CNTNAP5: variants seen among roughly 807,000 people sequenced by gnomAD.
CNTNAP5 encodes the protein contactin-associated protein-like 5.
Under a neutral mutation model 150.2 loss-of-function variants are expected in CNTNAP5, and 72 were observed. The observed-to-expected ratio is 0.48, with a 90% CI of 0.40 to 0.58. The LOEUF (loss-of-function observed/expected upper bound fraction) is 0.58, where lower values mean the gene tolerates loss of function less well. Among genes scored for constraint, CNTNAP5 ranks in the 20% least tolerant of loss-of-function variants. The pLI is 0.00. For synonymous variants in CNTNAP5, 672 were observed against 619.8 expected (o/e 1.08, Z -1.25); for missense variants, 1,636 against 1,626.2 (o/e 1.01, Z -0.10).
At chr2:124,517,057 T>C (rs1694735278) in intron 8 of CNTNAP5, among the ~76,000 whole-genome samples, 2 of 152,172 alleles carry the variant, frequency 1.3e-5, no homozygotes, top group Non-Finnish European at 2.9e-5. Context: ...TTTGTAGTGT[T>C]GGTGATAGGG....
At chr2:124,586,429 C>A (rs1696539263) in intron 11 of CNTNAP5, among the ~76,000 whole-genome samples, 1 of 152,168 alleles carries the variant, frequency 6.6e-6, no homozygotes, top group Non-Finnish European at 1.5e-5. Context: ...TGCTGGCCTG[C>A]CTGCAGGACA....
chr2:124,740,216 A>G (rs1257988814), intron 13 of CNTNAP5, among the ~76,000 whole-genome samples: 3 of 152,034 alleles, frequency 2.0e-5, no homozygotes, highest in Non-Finnish European at 4.4e-5. Flanking sequence ...GCATCATTCT[A>G]TGGGCAGAGG....
At position 124,790,123 on chromosome 2, in the gene CNTNAP5, G is replaced by T; in HGVS notation, c.2974G>T (p.Gly992Trp). Residue 992 changes from glycine to tryptophan, a missense_variant, in exon 18 of 24, where the codon GGG (glycine) becomes TGG (tryptophan). Gly to Trp is a radical substitution (Grantham distance 184). Coordinates refer to ENST00000682447, the MANE Select transcript of CNTNAP5 (RefSeq NM_001367498.1). ...LCDCTNSPYE[G>W]PFCKKEVSAV... ...TGATTGCACCAATTCACCTTATGAAGGGCCCTTTTGCAAAAAAGGTACCTT... is the reference window on the plus strand; with the variant it reads ...TGATTGCACCAATTCACCTTATGAATGGCCCTTTTGCAAAAAAGGTACCTT... The T allele has an allele frequency of 6.2e-7, 1 of 1,613,476 alleles. No homozygotes were observed. Among genetic ancestry groups the T allele is most frequent in the Non-Finnish European group, 8.5e-7 (1 of 1,179,620 alleles).
chr2:124,440,886 T>A (rs1489380222), intron 5 of CNTNAP5, among the ~76,000 whole-genome samples: 1 of 152,132 alleles, frequency 6.6e-6, no homozygotes, highest in Non-Finnish European at 1.5e-5. Context: ...TTAAAACTAG[T>A]AATTGAACCT....
In CNTNAP5 at chr2:124,227,636, GTGTA is replaced by G. The variant is rs1180314015; in HGVS notation, c.187+5831_187+5834del. 9.4e-3 allele frequency among the ~76,000 whole-genome samples: 1,213 copies of G among 129,362 alleles called. 15 individuals are homozygous for G. Among genetic ancestry groups the G allele is most frequent in the African/African-American group, 0.033 (1,086 of 32,956 alleles). The allele number at this position is 129,362 out of a possible 152,430, so 84.9% of individuals were successfully genotyped here. A position where few individuals can be genotyped will look rare whatever the true frequency, so the allele number is the denominator to read the frequency against. On this transcript the variant is annotated intron_variant, in intron 2 of 23. Coordinates refer to ENST00000682447, the MANE Select transcript of CNTNAP5 (RefSeq NM_001367498.1). Reference sequence around the variant, plus strand: ...TACAAATATAAACTCAGCACATCGTGTGTATGTGTGTGTGTGTGTGTGTGTGTGT... The same window carrying G: ...TACAAATATAAACTCAGCACATCGTGTGTGTGTGTGTGTGTGTGTGTGTGT...
At chr2:124,145,860 A>G (rs1351348294) in intron 1 of CNTNAP5, among the ~76,000 whole-genome samples, 1 of 149,006 alleles carries the variant, frequency 6.7e-6, no homozygotes, top group African/African-American at 2.5e-5. Context: ...AATATATTTA[A>G]TGGGATTTGG....
intron 3 of CNTNAP5, among the ~76,000 whole-genome samples, chr2:124,272,206 A>C (rs35400589): frequency 0.017 from 2,599 of 152,274 alleles, 25 homozygotes; most frequent in East Asian, 0.033. Context: ...AGCAGCAAAG[A>C]AGCTTATTTC....
At chr2:124,776,287 T>A (rs1363277225) in intron 17 of CNTNAP5, among the ~76,000 whole-genome samples, 1 of 152,078 alleles carries the variant, frequency 6.6e-6, no homozygotes, top group African/African-American at 2.4e-5. Context: ...TGGGCCTATT[T>A]TTTTTTTCTT....
intron 12 of CNTNAP5, among the ~76,000 whole-genome samples, chr2:124,645,580 T>C (rs559012860): frequency 6.6e-6 from 1 of 152,224 alleles, no homozygotes; most frequent in African/African-American, 2.4e-5. Context: ...AACAATAAAA[T>C]ATAACCTTGC....
At position 124,027,963 on chromosome 2, in the gene CNTNAP5, T is replaced by G. The variant is rs185594298; in HGVS notation, c.82+2231T>G. ...TTCCACAATTCCTTTAGATTTCTAC[T>G]GACCACACTCTTTATTCATTAAATA... On this transcript the variant is annotated intron_variant, in intron 1 of 23. Coordinates refer to ENST00000682447, the MANE Select transcript of CNTNAP5 (RefSeq NM_001367498.1). Among the ~76,000 whole-genome samples the G allele has an allele frequency of 3.1e-3, 474 of 152,314 alleles. 1 individual carries two copies. The highest frequency in any genetic ancestry group is 4.7e-3 in the Non-Finnish European group (317 of 68,000).
chr2:124,400,896 G>A (rs922830895), intron 3 of CNTNAP5, among the ~76,000 whole-genome samples: 1 of 151,114 alleles, frequency 6.6e-6, no homozygotes, highest in South Asian at 2.1e-4. Context: ...TTTTGAGACC[G>A]AGTCTCGCTC....
At chr2:124,667,910 A>G (rs1001187384) in intron 13 of CNTNAP5, among the ~76,000 whole-genome samples, 11 of 152,364 alleles carry the variant, frequency 7.2e-5, no homozygotes, top group Non-Finnish European at 1.0e-4. Context: ...TTACTGATCA[A>G]AGACAGTCCT....
chr2:124,054,837 C>T (rs1434551339), intron 1 of CNTNAP5, among the ~76,000 whole-genome samples: 1 of 152,142 alleles, frequency 6.6e-6, no homozygotes, highest in Non-Finnish European at 1.5e-5. Context: ...CTGCAACAGC[C>T]CTAGAACTTT....
intron 3 of CNTNAP5, among the ~76,000 whole-genome samples, chr2:124,282,444 T>C (rs1688036730): frequency 6.6e-6 from 1 of 152,204 alleles, no homozygotes; most frequent in Admixed American, 6.6e-5. Flanking sequence ...ATTTATGCCC[T>C]ACATGCCAGA....
chr2:124,246,285 A>C (rs1343192179), intron 3 of CNTNAP5, among the ~76,000 whole-genome samples: 1 of 152,102 alleles, frequency 6.6e-6, no homozygotes, highest in African/African-American at 2.4e-5. Context: ...ATGCCCTAAA[A>C]ATCCAATTTG....
At chr2:124,232,754 T>C (rs937803716) in intron 2 of CNTNAP5, among the ~76,000 whole-genome samples, 4 of 152,172 alleles carry the variant, frequency 2.6e-5, no homozygotes, top group Admixed American at 6.5e-5. Flanking sequence ...AAAGAACTTT[T>C]ATCATTTGTT....
In CNTNAP5 at chr2:124,747,235, C is replaced by T. The variant is rs1680621905; in HGVS notation, c.2084C>T (p.Thr695Ile). The change falls in exon 14 of 24, where the codon ACA (threonine) becomes ATA (isoleucine). Residue 695 changes from threonine to isoleucine, a missense_variant. Coordinates refer to ENST00000682447, the MANE Select transcript of CNTNAP5 (RefSeq NM_001367498.1). ...GGAATATCTTGTCTTCCAGATGGAA[C>T]ACCATTTACCTGGTGGATTGGGCGG... is the stretch of plus-strand genomic sequence containing the variant. ...RSRLLNTPDG[T>I]PFTWWIGRSN... The T allele has an allele frequency of 1.2e-6, 2 of 1,612,708 alleles. No individual in the cohort carries two copies. Among genetic ancestry groups the T allele is most frequent in the Non-Finnish European group, 1.7e-6 (2 of 1,179,026 alleles).
intron 19 of CNTNAP5, among the ~76,000 whole-genome samples, chr2:124,849,244 T>C (rs553054025): frequency 3.0e-4 from 46 of 152,188 alleles, no homozygotes; most frequent in Admixed American, 9.2e-4. Context: ...CTTTTTTACA[T>C]TGTGTATTCT....
intron 3 of CNTNAP5, among the ~76,000 whole-genome samples, chr2:124,322,855 A>C (rs774331579): frequency 2.0e-5 from 3 of 152,182 alleles, no homozygotes; most frequent in Non-Finnish European, 2.9e-5. Flanking sequence ...TGCCTCTCTA[A>C]AATTCAAAGA....
Sources: gnomAD v4.1 joint callset for allele counts (sites outside exome capture counted in the v4.1 genomes callset) on GRCh38, gnomAD v4.1.1 for gene constraint, MANE v1.5 for transcripts, NCBI Gene and HGNC (gene_info 2026-07-23, HGNC 2026-07-21) for gene names.